Variants in PTPRG observed in about 807,000 individuals in gnomAD.
PTPRG encodes protein tyrosine phosphatase receptor type G.
A neutral mutation model predicts 165.3 loss-of-function variants in PTPRG; 102 were observed. That is an observed-to-expected ratio of 0.62 (90% CI 0.53 to 0.73). The LOEUF (loss-of-function observed/expected upper bound fraction) is 0.73. PTPRG is among the 30% of genes least tolerant of loss of function. The pLI, the probability that PTPRG is intolerant of heterozygous loss-of-function variation, is 0.00. For synonymous variants in PTPRG, 675 were observed against 669.5 expected, an observed-to-expected ratio of 1.01 and a Z score of -0.13; for missense variants, 1,866 against 1,861.4, an observed-to-expected ratio of 1.00 and a Z score of -0.05.
chr3:61,758,292 C>T (rs2033702857), intron 2 of PTPRG, among the ~76,000 whole-genome samples: 1 of 152,114 alleles, frequency 6.6e-6, no homozygotes, highest in African/African-American at 2.4e-5. Context: ...CACCTAAAAC[C>T]CACCTTCTGA....
At position 62,272,993 on chromosome 3, in the gene PTPRG, T is replaced by C; in HGVS notation, c.3230T>C (p.Leu1077Pro). 1 of 1,613,920 alleles carries C rather than the reference T, an allele frequency of 6.2e-7. No homozygotes were observed. Among genetic ancestry groups the C allele is most frequent in the South Asian group, 1.1e-5 (1 of 91,062 alleles). The change falls in exon 22 of 30, where the codon CTG (leucine) becomes CCG (proline). Residue 1077 changes from leucine to proline, a missense_variant. By Grantham distance (98) the Leu-to-Pro change is moderately conservative. This residue lies in a region of PTPRG where 1,452 missense variants were observed against 1,463.0 expected (regional missense o/e 0.99). Transcript: ENST00000474889. ...TGTYIVIDSM[L>P]QQIKDKSTVN... ...ACCTATATTGTAATAGACAGCATGC[T>C]GCAACAGATAAAAGACAAAAGCACA... is the stretch of plus-strand genomic sequence containing the variant.
chr3:61,924,357 G>A (rs573511416), intron 2 of PTPRG, among the ~76,000 whole-genome samples: 4 of 152,202 alleles, frequency 2.6e-5, no homozygotes, highest in Non-Finnish European at 4.4e-5. Flanking sequence ...GGAAGGAAAT[G>A]GAGTTTGTGG....
At position 61,937,936 on chromosome 3, in the gene PTPRG, G is replaced by A. The variant is rs2039518753; in HGVS notation, c.191-51689G>A. On this transcript the variant is annotated intron_variant, in intron 2 of 29. Transcript: ENST00000474889. The stretch of plus-strand genomic sequence containing the variant: ...AAAAACAATCCTGCATTTGATCTTG[G>A]GGTTTTTTTTTTTCCCCCTTCAGTG... Among the ~76,000 whole-genome samples the A allele has an allele frequency of 1.0e-4, 12 of 120,380 alleles. 1 individual carries two copies. The highest frequency in any genetic ancestry group is 1.0e-3 in the Admixed American group (12 of 12,040). 79.0% of individuals were successfully genotyped at this position (120,380 alleles called of 152,430 possible). A position where few individuals can be genotyped will look rare whatever the true frequency, so the allele number is the denominator to read the frequency against.
intron 1 of PTPRG, among the ~76,000 whole-genome samples, chr3:61,595,250 ATTTG>A (rs1559516880): frequency 6.7e-6 from 1 of 149,540 alleles, no homozygotes; most frequent in African/African-American, 2.5e-5. Context: ...CTGGTGAACT[ATTTG>A]TTTCTATGCT....
At chr3:61,839,700 A>C (rs1473276125) in intron 2 of PTPRG, among the ~76,000 whole-genome samples, 4 of 152,258 alleles carry the variant, frequency 2.6e-5, no homozygotes, top group Admixed American at 2.6e-4. Flanking sequence ...CATATAGAGA[A>C]TTTGGAAAAT....
Position 62,233,879 on chromosome 3 carries a change from GAGTA to G in PTPRG, c.2375+2574_2375+2577del, listed in dbSNP as rs1016909230. On this transcript the variant is annotated intron_variant, in intron 14 of 29. Coordinates refer to ENST00000474889, the MANE Select transcript of PTPRG (RefSeq NM_002841.4). This position sits in a 1 kb window ranked among gnomAD's most constrained non-coding sequence, Gnocchi z 4.7. Reference sequence around the variant, plus strand: ...TTTTAATAAAGCTGATTTAAGTTTTGAGTAAGTAATACTTGACATGATTCAAAAT... The same window carrying G: ...TTTTAATAAAGCTGATTTAAGTTTTGAGTAATACTTGACATGATTCAAAAT... Among the ~76,000 whole-genome samples the G allele has an allele frequency of 8.5e-5, 13 of 152,272 alleles. No homozygotes were observed. The highest frequency in any genetic ancestry group is 7.7e-4 in the East Asian group (4 of 5,178).
chr3:61,676,499 T>C (rs1304054366), intron 1 of PTPRG, among the ~76,000 whole-genome samples: 1 of 127,858 alleles, frequency 7.8e-6, no homozygotes, highest in African/African-American at 2.8e-5. Flanking sequence ...TCTGTGAAAT[T>C]AGTACATTTT....
chr3:62,176,483 T>C (rs1055273768), intron 8 of PTPRG, among the ~76,000 whole-genome samples: 1 of 152,180 alleles, frequency 6.6e-6, no homozygotes, highest in Non-Finnish European at 1.5e-5. Flanking sequence ...CCTCTGTGTT[T>C]TGGATGTCAT....
intron 1 of PTPRG, among the ~76,000 whole-genome samples, chr3:61,656,991 C>T (rs1384554669): frequency 2.0e-5 from 3 of 152,074 alleles, no homozygotes; most frequent in African/African-American, 4.8e-5. Flanking sequence ...ATGGCTGAGG[C>T]CCCCATAACA....
At chr3:61,979,697 A>T (rs946650270) in intron 2 of PTPRG, among the ~76,000 whole-genome samples, 1 of 152,326 alleles carries the variant, frequency 6.6e-6, no homozygotes, top group African/African-American at 2.4e-5. Flanking sequence ...CACAGAATTC[A>T]TCATGTTGTT....
Position 61,670,692 on chromosome 3 carries a change from C to T in PTPRG, c.86-78186C>T, listed in dbSNP as rs1294182093. Reference sequence around the variant, plus strand: ...GTTCTTAAAATCTCTCGCAGTCCCCCGGCATTTTCCTGAGCCTCCGGTTGT... The same window carrying T: ...GTTCTTAAAATCTCTCGCAGTCCCCTGGCATTTTCCTGAGCCTCCGGTTGT... On this transcript the variant is annotated intron_variant, in intron 1 of 29. Transcript: ENST00000474889. Among the ~76,000 whole-genome samples, 4 of 152,240 alleles carry T rather than the reference C, an allele frequency of 2.6e-5. No homozygotes were observed. In the South Asian group the frequency reaches 6.2e-4, roughly 24 times the overall value.
At chr3:62,269,688 A>G (rs952238382) in intron 20 of PTPRG, among the ~76,000 whole-genome samples, 6 of 152,146 alleles carry the variant, frequency 3.9e-5, no homozygotes, top group East Asian at 1.9e-4. Flanking sequence ...ACCCTTCTCT[A>G]TAGAACTACT....
intron 2 of PTPRG, among the ~76,000 whole-genome samples, chr3:61,824,353 G>C (rs1193830555): frequency 1.3e-5 from 2 of 152,332 alleles, no homozygotes; most frequent in South Asian, 4.1e-4. Flanking sequence ...TCATAAGAAT[G>C]TAAGCAACCT....
At chr3:61,970,135 T>A (rs1162108982) in intron 2 of PTPRG, among the ~76,000 whole-genome samples, 1 of 152,200 alleles carries the variant, frequency 6.6e-6, no homozygotes, top group Admixed American at 6.5e-5. Context: ...ATGTGAGATA[T>A]ATCTTCTGAT....
chr3:62,274,116 T>C (rs967946192), intron 23 of PTPRG, among the ~76,000 whole-genome samples: 2 of 152,168 alleles, frequency 1.3e-5, no homozygotes, highest in South Asian at 2.1e-4. Context: ...CATAATGACA[T>C]AGTACTTTAA....
At chr3:61,654,452 T>C (rs1702452942) in intron 1 of PTPRG, among the ~76,000 whole-genome samples, 2 of 152,144 alleles carry the variant, frequency 1.3e-5, no homozygotes, top group Non-Finnish European at 2.9e-5. Flanking sequence ...TGGTGCAGTC[T>C]CAGCTGACTG....
intron 2 of PTPRG, among the ~76,000 whole-genome samples, chr3:61,795,895 G>T (rs2035031315): frequency 6.6e-6 from 1 of 152,056 alleles, no homozygotes; most frequent in African/African-American, 2.4e-5. Flanking sequence ...TCTTTGGGTG[G>T]ATAGTGCATC....
intron 1 of PTPRG, among the ~76,000 whole-genome samples, chr3:61,691,026 C>T (rs1452071866): frequency 2.0e-5 from 3 of 152,148 alleles, no homozygotes; most frequent in Non-Finnish European, 4.4e-5. Context: ...TAAAATATGG[C>T]ACGCCATCAA....
chr3:61,574,079 T>G (rs1247166351), intron 1 of PTPRG, among the ~76,000 whole-genome samples: 2 of 152,048 alleles, frequency 1.3e-5, no homozygotes, highest in Non-Finnish European at 2.9e-5. Context: ...ATTCTGTGAA[T>G]CTGGTGGTCA....
Sources: gnomAD v4.1 joint callset for allele counts (sites outside exome capture counted in the v4.1 genomes callset) on GRCh38, gnomAD v4.1.1 for gene constraint, gnomAD v4.1.1 regional missense constraint, Gnocchi (gnomAD v3.1) non-coding constraint, MANE v1.5 for transcripts, NCBI Gene and HGNC (gene_info 2026-07-23, HGNC 2026-07-21) for gene names.